Variants in RPL26 observed in about 807,000 individuals in gnomAD.
RPL26 encodes ribosomal protein L26.
In RPL26, 1 loss-of-function variant was observed where a neutral mutation model predicts 16.2. The ratio of observed to expected loss-of-function variants is 0.06; its 90% CI spans 0.02 to 0.29. The LOEUF (loss-of-function observed/expected upper bound fraction) is 0.29. Ranked by LOEUF, RPL26 falls within the 10% of genes least tolerant of loss-of-function variation. The pLI, the probability that RPL26 is intolerant of heterozygous loss-of-function variation, is 1.00. For missense variants in RPL26, 102 were observed against 184.3 expected (o/e 0.55, Z 2.58); for synonymous variants, 55 against 62.4 (o/e 0.88, Z 0.56).
intron 2 of RPL26, among the ~76,000 whole-genome samples, chr17:8,380,318 G>C (rs929283561): frequency 1.3e-5 from 2 of 152,226 alleles, no homozygotes; most frequent in Non-Finnish European, 2.9e-5. Context: ...TCTTGCATTG[G>C]TATGTATTGA....
In RPL26 at chr17:8,377,520, C is replaced by A; in HGVS notation, c.*44G>T. ...TAAATCACCACACACAAAACACAGG[C>A]TCTTTGTTTCAAGTTTTAATCAAAG... is the stretch of plus-strand genomic sequence containing the variant. On this transcript the variant is annotated 3_prime_UTR_variant, in exon 4 of 4. Transcript: ENST00000648839. 1 of 1,511,186 alleles carries A rather than the reference C, an allele frequency of 6.6e-7. No homozygotes were observed. The highest frequency in any genetic ancestry group is 8.9e-7 in the Non-Finnish European group (1 of 1,119,518). The allele number at this position is 1,511,186 out of a possible 1,614,324, so 93.6% of individuals were successfully genotyped here. A position where few individuals can be genotyped will look rare whatever the true frequency, so the allele number is the denominator to read the frequency against.
chr17:8,380,045 TAA>T, intron 2 of RPL26, 109 bp from the exon 3 acceptor site: 2 of 935,854 alleles, frequency 2.1e-6, no homozygotes, highest in Non-Finnish European at 3.1e-6. Context: ...ATTAAAAGGT[TAA>T]AAAAAAGAGC....
At chr17:8,379,175 T>G (rs1907295795) in intron 3 of RPL26, 1 of 152,164 alleles carries the variant, frequency 6.6e-6, no homozygotes, top group Non-Finnish European at 1.5e-5. Context: ...GAAGATCAGT[T>G]AAGGTCTTTA....
intron 3 of RPL26, among the ~76,000 whole-genome samples, chr17:8,378,083 C>T (rs1217092670): frequency 6.6e-6 from 1 of 152,208 alleles, no homozygotes; most frequent in African/African-American, 2.4e-5. Flanking sequence ...CCAATCCCAG[C>T]ACTTTGGGAG....
chr17:8,381,654 G>A (rs393311), intron 2 of RPL26: 35,709 of 167,816 alleles, frequency 0.21, 4,079 homozygotes, highest in Non-Finnish European at 0.26. Flanking sequence ...TCAGCCGGGC[G>A]CGGTGGCTCA....
chr17:8,379,611 T>C (rs2151673464), intron 3 of RPL26, 185 bp downstream of exon 3: 2 of 604,124 alleles, frequency 3.3e-6, no homozygotes, highest in Non-Finnish European at 5.8e-6. Flanking sequence ...GTTAACACTT[T>C]GATGTCAGAA....
intron 1 of RPL26, chr17:8,382,875 C>T: frequency 2.5e-6 from 1 of 395,550 alleles, no homozygotes. Flanking sequence ...GAAGTTACTT[C>T]GAGACCATTC....
intron 2 of RPL26, chr17:8,380,939 A>C (rs534484552): frequency 6.6e-6 from 1 of 152,334 alleles, no homozygotes; most frequent in South Asian, 2.1e-4. Context: ...CTAACAAATT[A>C]GCTGCAAGAC....
At chr17:8,382,111 T>C (rs536126464) in intron 2 of RPL26, 32 bp downstream of exon 2, 2 of 1,590,112 alleles carry the variant, frequency 1.3e-6, no homozygotes, top group Non-Finnish European at 1.7e-6. Flanking sequence ...AAAATATCCA[T>C]CAAGACAACG....
At chr17:8,379,080 G>A (rs1907290966) in intron 3 of RPL26, 1 of 152,138 alleles carries the variant, frequency 6.6e-6, no homozygotes, top group Non-Finnish European at 1.5e-5. Context: ...GTAGGCCTGG[G>A]CTCTTAGAAT....
chr17:8,378,410 G>A (rs1288803163), intron 3 of RPL26, among the ~76,000 whole-genome samples: 1 of 152,084 alleles, frequency 6.6e-6, no homozygotes, highest in African/African-American at 2.4e-5. Flanking sequence ...AGAATCGCTT[G>A]AACCCAGGAA....
Position 8,382,329 on chromosome 17 carries a change from TAAAAAGACTCTTAAATGACCA to T in RPL26, c.-5-35_-5-15del. On this transcript the variant is annotated splice_polypyrimidine_tract_variant and intron_variant, in intron 1 of 3. Coordinates refer to ENST00000648839, the MANE Select transcript of RPL26 (RefSeq NM_000987.5). ...ACTTCATTTTGGCTAAATAAAAAGT[TAAAAAGACTCTTAAATGACCA>T]AAATCTCATCCAGCTTCCAAACAAA... 1 of 1,598,774 alleles carries T rather than the reference TAAAAAGACTCTTAAATGACCA, an allele frequency of 6.3e-7. No individual in the cohort carries two copies. The highest frequency in any genetic ancestry group is 8.6e-7 in the Non-Finnish European group (1 of 1,169,154).
In RPL26 at chr17:8,377,545, G is replaced by C. The variant is rs752225036; in HGVS notation, c.*19C>G. ...CTCTTTGTTTCAAGTTTTAATCAAA[G>C]CTTGTATATAAGATTACTTTATTCC... On this transcript the variant is annotated 3_prime_UTR_variant, in exon 4 of 4. Coordinates refer to ENST00000648839, the MANE Select transcript of RPL26 (RefSeq NM_000987.5). 1.0e-5 allele frequency: 16 copies of C among 1,562,106 alleles called. No homozygotes were observed. In the South Asian group the frequency reaches 1.8e-4, roughly 18 times the overall value.
rs1387058414 is a variant in RPL26 at position 8,378,349 on chromosome 17, G to C, written c.310-657C>G. ...AGACTCCATCTCAAAAAACAAACAA[G>C]TAACAAAACAGCAGGGTGTGGTGAA... On this transcript the variant is annotated intron_variant, in intron 3 of 3. Coordinates refer to ENST00000648839, the MANE Select transcript of RPL26 (RefSeq NM_000987.5). Among the ~76,000 whole-genome samples the C allele has an allele frequency of 4.6e-5, 7 of 152,114 alleles. 1 individual carries two copies. The South Asian group carries it at 8.3e-4, about 18-fold the overall frequency.
chr17:8,380,009 G>A, intron 2 of RPL26, 73 bp from the exon 3 acceptor site: 1 of 1,238,152 alleles, frequency 8.1e-7, no homozygotes, highest in Non-Finnish European at 1.2e-6. Context: ...ACAAACTCAT[G>A]CATACACCAT....
intron 3 of RPL26, chr17:8,379,522 CGA>C (rs1907316186): frequency 3.8e-6 from 2 of 533,216 alleles, no homozygotes; most frequent in Non-Finnish European, 3.3e-6. Flanking sequence ...TGCAGTGAGC[CGA>C]GATTGTGCCA....
intron 3 of RPL26, 160 bp from the exon 4 acceptor site, chr17:8,377,852 C>T: frequency 1.7e-6 from 1 of 581,198 alleles, no homozygotes. Flanking sequence ...ACTCTTTAGC[C>T]ATCAAACCTG....
chr17:8,382,573 A>G (rs576497621), intron 1 of RPL26: 79 of 417,224 alleles, frequency 1.9e-4, no homozygotes, highest in African/African-American at 1.5e-3. Context: ...TCCTAGTTAT[A>G]AGACCTTTTA....
chr17:8,382,425 C>T (rs1171448280), intron 1 of RPL26, 110 bp from the exon 2 acceptor site: 10 of 755,946 alleles, frequency 1.3e-5, no homozygotes, highest in Non-Finnish European at 2.1e-5. Flanking sequence ...TAGGCAGTGT[C>T]ATGTTGTGCA....
Sources: gnomAD v4.1 joint callset for allele counts (sites outside exome capture counted in the v4.1 genomes callset) on GRCh38, gnomAD v4.1.1 for gene constraint, MANE v1.5 for transcripts, NCBI Gene and HGNC (gene_info 2026-07-23, HGNC 2026-07-21) for gene names.